The following DNM1L variants were observed in gnomAD, a reference collection of about 807,000 sequenced individuals.
DNM1L encodes the protein dynamin-1-like protein.
In DNM1L, 33 loss-of-function variants were observed where a neutral mutation model predicts 92.8. The observed-to-expected ratio is 0.36, with a 90% CI of 0.27 to 0.48. DNM1L has a LOEUF of 0.48. Among genes scored for constraint, DNM1L ranks in the 20% least tolerant of loss-of-function variants. The pLI, the probability that DNM1L is intolerant of heterozygous loss-of-function variation, is 0.99. For synonymous variants in DNM1L, 284 were observed against 305.0 expected (o/e 0.93, Z 0.72); for missense variants, 485 against 888.8 (o/e 0.55, Z 5.78).
At chr12:32,739,266 TAAA>T (rs1299346183) in intron 16 of DNM1L, among the ~76,000 whole-genome samples, 3 of 149,550 alleles carry the variant, frequency 2.0e-5, no homozygotes, top group African/African-American at 5.0e-5. Flanking sequence ...TGTAAGATCT[TAAA>T]GAATACCTAA....
At chr12:32,724,576 C>CAAAA (rs10535838) in intron 9 of DNM1L, among the ~76,000 whole-genome samples, 2 of 95,924 alleles carry the variant, frequency 2.1e-5, no homozygotes, top group South Asian at 3.3e-4. Context: ...ACTCTATCTC[C>CAAAA]AAAAAAAAAA....
chr12:32,717,946 TATA>T (rs1281433861), intron 6 of DNM1L, among the ~76,000 whole-genome samples: 6 of 95,174 alleles, frequency 6.3e-5, no homozygotes, highest in East Asian at 2.4e-4. Flanking sequence ...ATATATAAAA[TATA>T]GTATATATAG....
intron 7 of DNM1L, among the ~76,000 whole-genome samples, chr12:32,720,094 G>T (rs952782257): frequency 2.1e-4 from 32 of 152,098 alleles, no homozygotes; most frequent in African/African-American, 7.2e-4. Context: ...CATTCCAGTT[G>T]TCTGCTTCTA....
intron 6 of DNM1L, among the ~76,000 whole-genome samples, chr12:32,718,041 ATAC>A (rs1428723996): frequency 3.1e-5 from 4 of 129,238 alleles, no homozygotes; most frequent in Non-Finnish European, 6.3e-5. Flanking sequence ...TATACTATAC[ATAC>A]TATATATACT....
intron 3 of DNM1L, 27 bp downstream of exon 3, chr12:32,707,440 AAT>A: frequency 6.6e-7 from 1 of 1,509,388 alleles, no homozygotes; most frequent in Non-Finnish European, 9.0e-7. Flanking sequence ...ATAATGAAGA[AAT>A]AATGTTGAAA....
Position 32,679,923 on chromosome 12 carries a change from T to G in DNM1L, c.102+458T>G, listed in dbSNP as rs559478625. Reference sequence around the variant, plus strand: ...TGAGACGGGTGTTTTATTTCCCTCCTTGCCTTGCCCAGGGACTGCGGAGTT... The same window carrying G: ...TGAGACGGGTGTTTTATTTCCCTCCGTGCCTTGCCCAGGGACTGCGGAGTT... On this transcript the variant is annotated intron_variant, in intron 1 of 19. Coordinates refer to ENST00000549701, the MANE Select transcript of DNM1L (RefSeq NM_012062.5). The G allele has an allele frequency of 6.1e-6, 6 of 986,118 alleles. No homozygotes were observed. In the African/African-American group the frequency reaches 1.0e-4, roughly 17 times the overall value. 61.1% of individuals were successfully genotyped at this position (986,118 alleles called of 1,614,324 possible).
At chr12:32,697,362 G>T (rs1436044292) in intron 1 of DNM1L, among the ~76,000 whole-genome samples, 1 of 152,198 alleles carries the variant, frequency 6.6e-6, no homozygotes, top group African/African-American at 2.4e-5. Flanking sequence ...AAAGACTGGT[G>T]ATTTGTATTA....
Position 32,710,079 on chromosome 12 carries a change from C to T in DNM1L, c.370-850C>T, listed in dbSNP as rs547196243. Among the ~76,000 whole-genome samples the T allele has an allele frequency of 4.3e-4, 65 of 152,252 alleles. 1 individual carries two copies. Among genetic ancestry groups the T allele is most frequent in the African/African-American group, 1.4e-3 (59 of 41,558 alleles). ...TAAACATCTCATAAGTGTCTTTTTA[C>T]ATGTAGTTGATTCAATCCTAATACT... On this transcript the variant is annotated intron_variant, in intron 4 of 19. Coordinates refer to ENST00000549701, the MANE Select transcript of DNM1L (RefSeq NM_012062.5).
intron 1 of DNM1L, 47 bp from the exon 2 acceptor site, chr12:32,701,368 A>C (rs1383029225): frequency 1.0e-5 from 16 of 1,571,308 alleles, no homozygotes; most frequent in Non-Finnish European, 1.4e-5. Context: ...ATTAACAAAA[A>C]ATGTGTTAAG....
intron 9 of DNM1L, chr12:32,726,568 A>G: frequency 1.6e-6 from 2 of 1,215,354 alleles, no homozygotes; most frequent in East Asian, 2.3e-5. Flanking sequence ...TCACGTAAAA[A>G]GTGACCAATT....
Position 32,737,937 on chromosome 12 carries a change from G to A in DNM1L, c.1669G>A (p.Gly557Ser), listed in dbSNP as rs1955013677. 10 of 1,613,706 alleles carry A rather than the reference G, an allele frequency of 6.2e-6. No individual in the cohort carries two copies. Among genetic ancestry groups the A allele is most frequent in the Non-Finnish European group, 8.5e-6 (10 of 1,179,986 alleles). The change falls in exon 15 of 20, where the codon GGC becomes AGC. Residue 557 changes from glycine (G) to serine (S), a missense_variant. Coordinates refer to ENST00000549701, the MANE Select transcript of DNM1L (RefSeq NM_012062.5). ...CCCCGCTGCTTCTGCTGAGGCTGAT[G>A]GCAAGGTCTGTTCTGATTCTTAATC... is the stretch of plus-strand genomic sequence containing the variant. ...PSPAASAEAD[G>S]KLIQDSRRET... is the part of the protein sequence containing the mutation.
At chr12:32,696,512 A>C (rs1952471573) in intron 1 of DNM1L, among the ~76,000 whole-genome samples, 1 of 151,852 alleles carries the variant, frequency 6.6e-6, no homozygotes, top group African/African-American at 2.4e-5. Flanking sequence ...TGAGAGGAGA[A>C]TCTATTGAGC....
chr12:32,709,125 A>T (rs1165461179), intron 4 of DNM1L, among the ~76,000 whole-genome samples: 1 of 152,102 alleles, frequency 6.6e-6, no homozygotes, highest in Non-Finnish European at 1.5e-5. Context: ...TGTTACAGTG[A>T]CTGACTGAGC....
chr12:32,725,753 C>T (rs1211247928), intron 9 of DNM1L: 2 of 152,332 alleles, frequency 1.3e-5, no homozygotes, highest in African/African-American at 4.8e-5. Flanking sequence ...TTACAGGCAC[C>T]CGCCATCATG....
intron 4 of DNM1L, among the ~76,000 whole-genome samples, chr12:32,710,673 A>G (rs144027033): frequency 4.4e-4 from 67 of 152,222 alleles, no homozygotes; most frequent in African/African-American, 1.4e-3. Flanking sequence ...ATCAAGAGAA[A>G]AGAATGTAAA....
chr12:32,737,287 T>TAC, intron 14 of DNM1L, 126 bp downstream of exon 14: 1 of 898,772 alleles, frequency 1.1e-6, no homozygotes, highest in Non-Finnish European at 1.8e-6. Flanking sequence ...TGGAACTAAC[T>TAC]GAGTAAAGGC....
chr12:32,731,563 G>A lies in DNM1L; in HGVS notation c.1356+52G>A. ...CACATGAACTAGAAAAGGACATGAAGTGGTGGTTTCACTGGGTGGAAGGAA... is the reference window on the plus strand; with the variant it reads ...CACATGAACTAGAAAAGGACATGAAATGGTGGTTTCACTGGGTGGAAGGAA... On this transcript the variant is annotated intron_variant, in intron 11 of 19. Transcript: ENST00000549701. This position sits in a 1 kb window ranked among gnomAD's most constrained non-coding sequence, Gnocchi z 5.1. 1.9e-6 allele frequency: 3 copies of A among 1,608,064 alleles called. No homozygotes were observed. The highest frequency in any genetic ancestry group is 2.5e-6 in the Non-Finnish European group (3 of 1,177,512).
intron 1 of DNM1L, among the ~76,000 whole-genome samples, chr12:32,683,786 A>T (rs7297599): frequency 0.16 from 23,380 of 149,272 alleles, 1,906 homozygotes; most frequent in Middle Eastern, 0.22. Context: ...CTCATGATCC[A>T]CTTGCCTTGG....
intron 1 of DNM1L, among the ~76,000 whole-genome samples, chr12:32,696,685 C>T (rs990744494): frequency 6.0e-5 from 9 of 150,112 alleles, no homozygotes; most frequent in African/African-American, 2.2e-4. Flanking sequence ...CGTGCAATGG[C>T]GTGATCTCGG....
Sources: gnomAD v4.1 joint callset for allele counts (sites outside exome capture counted in the v4.1 genomes callset) on GRCh38, gnomAD v4.1.1 for gene constraint, Gnocchi (gnomAD v3.1) non-coding constraint, MANE v1.5 for transcripts, NCBI Gene and HGNC (gene_info 2026-07-23, HGNC 2026-07-21) for gene names.